STAU2: variants seen among roughly 807,000 people sequenced by gnomAD.
STAU2 encodes double-stranded RNA-binding protein Staufen homolog 2.
STAU2 carries 20 observed loss-of-function variants against 65.9 expected under a neutral mutation model. The observed-to-expected ratio is 0.30, with a 90% confidence interval of 0.21 to 0.44. The LOEUF (loss-of-function observed/expected upper bound fraction) is 0.44, where lower values mean the gene tolerates loss of function less well. Ranked by LOEUF, STAU2 falls within the 20% of genes least tolerant of loss-of-function variation. The pLI, the probability that STAU2 is intolerant of heterozygous loss-of-function variation, is 1.00. For missense variants in STAU2, 558 were observed against 683.9 expected (o/e 0.82, Z 2.05); for synonymous variants, 232 against 233.9 (o/e 0.99, Z 0.07).
At chr8:73,698,024 G>A (rs1347889047) in intron 4 of STAU2, among the ~76,000 whole-genome samples, 1 of 151,990 alleles carries the variant, frequency 6.6e-6, no homozygotes, top group Non-Finnish European at 1.5e-5. Context: ...AGATTGCAGT[G>A]AGCCAAGATC....
intron 13 of STAU2, among the ~76,000 whole-genome samples, chr8:73,544,890 G>A (rs1303726888): frequency 6.6e-6 from 1 of 152,134 alleles, no homozygotes; most frequent in Non-Finnish European, 1.5e-5. Flanking sequence ...ATCTTCTTCT[G>A]CATATTGATT....
At chr8:73,422,181 G>A (rs1224199962) in intron 14 of STAU2, among the ~76,000 whole-genome samples, 14 of 152,170 alleles carry the variant, frequency 9.2e-5, no homozygotes, top group African/African-American at 3.4e-4. Context: ...GAATGCAGCC[G>A]AGGGGAGGGG....
At chr8:73,552,969 T>C (rs948429246) in intron 12 of STAU2, among the ~76,000 whole-genome samples, 16 of 152,214 alleles carry the variant, frequency 1.1e-4, no homozygotes, top group Non-Finnish European at 2.4e-4. Context: ...GATTTACTCA[T>C]AAGCAAGTAG....
intron 11 of STAU2, among the ~76,000 whole-genome samples, chr8:73,589,099 C>G (rs921989225): frequency 1.3e-5 from 2 of 152,160 alleles, no homozygotes; most frequent in African/African-American, 4.8e-5. Flanking sequence ...CTCAAAACCT[C>G]ACATTACACA....
At chr8:73,535,004 T>C (rs1806086432) in intron 13 of STAU2, among the ~76,000 whole-genome samples, 1 of 152,248 alleles carries the variant, frequency 6.6e-6, no homozygotes, top group Non-Finnish European at 1.5e-5. Flanking sequence ...ATGCTTATAT[T>C]TGATAATCAA....
rs1392903202 is a variant in STAU2, at chr8:73,606,230, AAAT to A, written c.892-2370_892-2368del. On this transcript the variant is annotated intron_variant, in intron 9 of 14. Coordinates refer to ENST00000524300, the MANE Select transcript of STAU2 (RefSeq NM_001164380.2). Reference sequence around the variant, plus strand: ...TAATAATAATAAAATGAAACAATATAAATAATAATAAAATAAACATAATAAATC... The same window carrying A: ...TAATAATAATAAAATGAAACAATATAAATAATAAAATAAACATAATAAATC... Among the ~76,000 whole-genome samples, 33 of 151,866 alleles carry A rather than the reference AAAT, an allele frequency of 2.2e-4. No individual in the cohort carries two copies. The South Asian group carries it at 2.3e-3, about 10-fold the overall frequency.
At position 73,431,134 on chromosome 8, in the gene STAU2, G is replaced by A. The variant is rs147612990; in HGVS notation, c.1531-8432C>T. Reference sequence around the variant, plus strand: ...ATCCAAGCTGTGTAACTTCCCACACGCCGCAGATTAGAGAATTTCAAAGAT... The same window carrying A: ...ATCCAAGCTGTGTAACTTCCCACACACCGCAGATTAGAGAATTTCAAAGAT... On this transcript the variant is annotated intron_variant, in intron 13 of 14. Coordinates refer to ENST00000524300, the MANE Select transcript of STAU2 (RefSeq NM_001164380.2). 1.4e-3 allele frequency among the ~76,000 whole-genome samples: 210 copies of A among 152,276 alleles called. 1 individual carries two copies. The highest frequency in any genetic ancestry group is 4.8e-3 in the African/African-American group (199 of 41,556).
intron 12 of STAU2, among the ~76,000 whole-genome samples, chr8:73,572,338 C>T (rs1406717880): frequency 2.6e-5 from 4 of 152,276 alleles, no homozygotes; most frequent in African/African-American, 9.6e-5. Flanking sequence ...AAGCTGATAC[C>T]ATTCCTTCTG....
chr8:73,627,227 G>GGGGGGGGGGGGGGGGGGGT (rs1813734497), intron 6 of STAU2, among the ~76,000 whole-genome samples: 1 of 75,188 alleles, frequency 1.3e-5, no homozygotes, highest in Non-Finnish European at 3.1e-5. Context: ...GGGGGGAGGG[G>GGGGGGGGGGGGGGGGGGGT]GGGGCAGGAG....
At chr8:73,733,732 A>T (rs1189214129) in intron 3 of STAU2, among the ~76,000 whole-genome samples, 1 of 152,234 alleles carries the variant, frequency 6.6e-6, no homozygotes, top group Non-Finnish European at 1.5e-5. Context: ...TAAATATTAT[A>T]GAAACACAAA....
intron 13 of STAU2, among the ~76,000 whole-genome samples, chr8:73,479,340 C>T (rs562956321): frequency 1.3e-5 from 2 of 151,926 alleles, no homozygotes; most frequent in Non-Finnish European, 2.9e-5. Flanking sequence ...ACTTATAAAA[C>T]GATTTCTCAG....
intron 9 of STAU2, among the ~76,000 whole-genome samples, chr8:73,605,312 T>TA (rs1362287277): frequency 7.1e-6 from 1 of 140,902 alleles, no homozygotes; most frequent in Admixed American, 7.0e-5. Flanking sequence ...TTTTCCTTTT[T>TA]TTTTTTTTTT....
chr8:73,731,812 G>A (rs575382597), intron 3 of STAU2, among the ~76,000 whole-genome samples: 25 of 152,066 alleles, frequency 1.6e-4, no homozygotes, highest in Admixed American at 3.3e-4. Context: ...GGTGGTGCAC[G>A]TCTGTAGTCC....
intron 12 of STAU2, among the ~76,000 whole-genome samples, chr8:73,579,697 C>T (rs1040599659): frequency 1.3e-5 from 2 of 152,056 alleles, no homozygotes; most frequent in African/African-American, 4.8e-5. Flanking sequence ...TGTTTTTATT[C>T]TTCAACATAA....
chr8:73,487,688 C>A (rs1323276432), intron 13 of STAU2, among the ~76,000 whole-genome samples: 1 of 151,944 alleles, frequency 6.6e-6, no homozygotes, highest in African/African-American at 2.4e-5. Flanking sequence ...CTGTACAAGG[C>A]AATATTGTGG....
intron 6 of STAU2, among the ~76,000 whole-genome samples, chr8:73,658,494 T>G (rs1337233448): frequency 6.6e-6 from 1 of 152,204 alleles, no homozygotes; most frequent in Non-Finnish European, 1.5e-5. Context: ...TATTTGATGA[T>G]CACCCAAAAT....
chr8:73,681,860 CAACA>C (rs1818457094), intron 5 of STAU2, among the ~76,000 whole-genome samples: 1 of 152,072 alleles, frequency 6.6e-6, no homozygotes, highest in African/African-American at 2.4e-5. Flanking sequence ...TTTAAAGCAA[CAACA>C]GTTAAAAATG....
chr8:73,677,842 A>G (rs2130443781), intron 5 of STAU2, among the ~76,000 whole-genome samples: 1 of 152,114 alleles, frequency 6.6e-6, no homozygotes, highest in Non-Finnish European at 1.5e-5. Context: ...TTACTATAAC[A>G]CTCAACCATG....
At chr8:73,581,044 C>G (rs182102632) in intron 12 of STAU2, among the ~76,000 whole-genome samples, 1 of 152,230 alleles carries the variant, frequency 6.6e-6, no homozygotes, top group African/African-American at 2.4e-5. Flanking sequence ...CATTTCTGAT[C>G]ACTTAAACTC....
Sources: gnomAD v4.1 joint callset for allele counts (sites outside exome capture counted in the v4.1 genomes callset) on GRCh38, gnomAD v4.1.1 for gene constraint, MANE v1.5 for transcripts, NCBI Gene and HGNC (gene_info 2026-07-23, HGNC 2026-07-21) for gene names.